The following HIVEP3 variants were observed in gnomAD, a reference collection of about 807,000 sequenced individuals.
HIVEP3 encodes transcription factor HIVEP3.
Under a neutral mutation model 152.8 loss-of-function variants are expected in HIVEP3, and 49 were observed. The observed-to-expected ratio is 0.32, with a 90% CI of 0.26 to 0.41. The LOEUF is 0.41. Among genes scored for constraint, HIVEP3 ranks in the 10% least tolerant of loss-of-function variants. The pLI is 1.00. For synonymous variants in HIVEP3, 1,269 were observed against 1,289.0 expected (o/e 0.98, Z 0.33); for missense variants, 2,790 against 3,103.3 (o/e 0.90, Z 2.40).
intron 2 of HIVEP3, among the ~76,000 whole-genome samples, chr1:41,640,871 G>A (rs1445041047): frequency 6.6e-6 from 1 of 152,196 alleles, no homozygotes; most frequent in African/African-American, 2.4e-5. Flanking sequence ...TGCACTGCAG[G>A]AGGGCCCAAG....
chr1:41,916,225 C>T (rs1406558652), intron 1 of HIVEP3, among the ~76,000 whole-genome samples: 1 of 152,202 alleles, frequency 6.6e-6, no homozygotes, highest in African/African-American at 2.4e-5. Flanking sequence ...AGGAGGGTGG[C>T]TGCCACTAAA....
intron 1 of HIVEP3, among the ~76,000 whole-genome samples, chr1:41,970,103 G>A (rs1247947779): frequency 6.6e-6 from 1 of 152,230 alleles, no homozygotes; most frequent in Non-Finnish European, 1.5e-5. Flanking sequence ...ATGTAAATTA[G>A]TTCAACCATT....
intron 5 of HIVEP3, among the ~76,000 whole-genome samples, chr1:41,557,416 G>A (rs1427705075): frequency 6.6e-6 from 1 of 152,194 alleles, no homozygotes; most frequent in Non-Finnish European, 1.5e-5. Flanking sequence ...TGGGTGCGGA[G>A]GGAGATGAGG....
chr1:41,544,829 C>A (rs1443575461), intron 5 of HIVEP3, among the ~76,000 whole-genome samples: 226 of 72,916 alleles, frequency 3.1e-3, no homozygotes, highest in African/African-American at 9.2e-3. Flanking sequence ...CTACCACCAC[C>A]ATCACCACCA....
intron 1 of HIVEP3, among the ~76,000 whole-genome samples, chr1:41,796,892 C>A (rs1650015633): frequency 6.6e-6 from 1 of 152,166 alleles, no homozygotes; most frequent in African/African-American, 2.4e-5. Flanking sequence ...CAAGTTCCTG[C>A]CATAAAGTAG....
At chr1:41,687,337 C>T (rs1472706686) in intron 2 of HIVEP3, among the ~76,000 whole-genome samples, 1 of 152,220 alleles carries the variant, frequency 6.6e-6, no homozygotes, top group Non-Finnish European at 1.5e-5. Context: ...GAGCTAATCA[C>T]TAAACTTTAG....
chr1:41,795,185 G>A (rs2124304105), intron 1 of HIVEP3, among the ~76,000 whole-genome samples: 1 of 152,302 alleles, frequency 6.6e-6, no homozygotes, highest in East Asian at 1.9e-4. Flanking sequence ...ATTGCATTTA[G>A]ATGTCACATC....
chr1:42,031,346 A>G (rs1447478673), intron 1 of HIVEP3, among the ~76,000 whole-genome samples: 2 of 152,106 alleles, frequency 1.3e-5, no homozygotes, highest in African/African-American at 4.8e-5. Flanking sequence ...TTCCTTCTGG[A>G]TGTCAGATGG....
At chr1:41,571,662 T>C (rs1398317130) in intron 5 of HIVEP3, among the ~76,000 whole-genome samples, 1 of 151,468 alleles carries the variant, frequency 6.6e-6, no homozygotes, top group African/African-American at 2.4e-5. Flanking sequence ...AACTACAGAG[T>C]GTGGAGGGAT....
At chr1:41,787,535 C>CTTTT (rs200281948) in intron 1 of HIVEP3, among the ~76,000 whole-genome samples, 1 of 122,840 alleles carries the variant, frequency 8.1e-6, no homozygotes, top group Non-Finnish European at 1.7e-5. Flanking sequence ...TTCTTTCTTT[C>CTTTT]TTTTTTTTTT....
chr1:41,896,988 G>A (rs939298714), intron 1 of HIVEP3, among the ~76,000 whole-genome samples: 16 of 152,120 alleles, frequency 1.1e-4, no homozygotes, highest in Non-Finnish European at 1.9e-4. Flanking sequence ...GTCATGGAGC[G>A]CTCGTTAAAG....
chr1:41,935,301 C>T (rs1197724283), intron 1 of HIVEP3, among the ~76,000 whole-genome samples: 1 of 152,060 alleles, frequency 6.6e-6, no homozygotes, highest in South Asian at 2.1e-4. Flanking sequence ...GAATTAATTC[C>T]CAGGTCAGAT....
chr1:41,775,785 G>A (rs1329685856), intron 1 of HIVEP3, among the ~76,000 whole-genome samples: 4 of 152,144 alleles, frequency 2.6e-5, no homozygotes, highest in Non-Finnish European at 5.9e-5. Flanking sequence ...CCAGCCAGAA[G>A]GAGTGGTTTT....
chr1:41,823,481 C>T (rs1414007674), intron 1 of HIVEP3, among the ~76,000 whole-genome samples: 1 of 152,200 alleles, frequency 6.6e-6, no homozygotes. Flanking sequence ...GCTCCAAAGC[C>T]CATGTTCTGT....
At chr1:41,682,825 G>A (rs1007151228) in intron 2 of HIVEP3, among the ~76,000 whole-genome samples, 3 of 152,160 alleles carry the variant, frequency 2.0e-5, no homozygotes, top group African/African-American at 2.4e-5. Context: ...TCCAGGCCCT[G>A]GGCTTGGCCT....
intron 1 of HIVEP3, among the ~76,000 whole-genome samples, chr1:41,704,301 A>C (rs1646403683): frequency 6.6e-6 from 1 of 152,198 alleles, no homozygotes; most frequent in Non-Finnish European, 1.5e-5. Context: ...CCCAGGCTCC[A>C]CCTTCTAGGC....
At chr1:41,966,806 T>C (rs1645201420) in intron 1 of HIVEP3, among the ~76,000 whole-genome samples, 1 of 151,536 alleles carries the variant, frequency 6.6e-6, no homozygotes, top group Admixed American at 6.6e-5. Flanking sequence ...AAAAGACCCA[T>C]CTCACAGGCA....
chr1:41,979,800 G>GA, intron 1 of HIVEP3, among the ~76,000 whole-genome samples: 1 of 152,246 alleles, frequency 6.6e-6, no homozygotes, highest in Admixed American at 6.5e-5. Flanking sequence ...AGATATTTGG[G>GA]AAAATTTGAT....
chr1:41,619,012 C>G (rs950937324), intron 3 of HIVEP3, among the ~76,000 whole-genome samples: 1 of 152,292 alleles, frequency 6.6e-6, no homozygotes, highest in African/African-American at 2.4e-5. Context: ...GGCTGCTGCC[C>G]CCGCCCCCTC....
Sources: allele counts gnomAD v4.1 joint callset (sites outside exome capture counted in the v4.1 genomes callset), GRCh38; gene constraint gnomAD v4.1.1; transcripts MANE v1.5; gene names NCBI Gene and HGNC (gene_info 2026-07-23, HGNC 2026-07-21).